LHCGR: variants seen among roughly 807,000 people sequenced by gnomAD.
LHCGR encodes luteinizing hormone/choriogonadotropin receptor.
Under a neutral mutation model 60.7 loss-of-function variants are expected in LHCGR, and 55 were observed. That is an observed-to-expected ratio of 0.91 (90% CI 0.73 to 1.13). LHCGR has a LOEUF of 1.13. Among genes scored for constraint, LHCGR ranks in the 50% most tolerant of loss-of-function variants. LHCGR has a pLI of 0.00. For missense variants in LHCGR, 862 were observed against 836.0 expected (o/e 1.03, Z -0.38); for synonymous variants, 337 against 316.5 (o/e 1.06, Z -0.69).
chr2:48,725,876 A>C, intron 3 of LHCGR, 126 bp from the exon 4 acceptor site: 1 of 719,720 alleles, frequency 1.4e-6, no homozygotes, highest in Non-Finnish European at 2.5e-6. Flanking sequence ...CGACCTTCAT[A>C]TGCTTGGGAG....
intron 1 of LHCGR, among the ~76,000 whole-genome samples, chr2:48,741,093 G>A (rs1368349734): frequency 5.9e-5 from 9 of 152,280 alleles, no homozygotes; most frequent in East Asian, 1.9e-4. Flanking sequence ...GGGTATCAGC[G>A]ATGGAAGATG....
intron 6 of LHCGR, among the ~76,000 whole-genome samples, chr2:48,722,998 G>A (rs958676464): frequency 1.3e-5 from 2 of 152,208 alleles, no homozygotes; most frequent in Admixed American, 6.5e-5. Context: ...AAAGTGAGAG[G>A]GACCCAAGAG....
intron 2 of LHCGR, among the ~76,000 whole-genome samples, chr2:48,730,641 C>T (rs936866071): frequency 1.3e-5 from 2 of 152,168 alleles, no homozygotes; most frequent in African/African-American, 4.8e-5. Flanking sequence ...CCCTTGAGAA[C>T]ATTCTCTCTC....
intron 1 of LHCGR, among the ~76,000 whole-genome samples, chr2:48,732,385 A>G (rs1669033450): frequency 1.3e-5 from 2 of 152,210 alleles, no homozygotes; most frequent in Non-Finnish European, 2.9e-5. Flanking sequence ...GCTTCTAGGA[A>G]AGAACACCTC....
Position 48,698,707 on chromosome 2 carries a change from T to TC in LHCGR, c.773_774insG (p.Leu259IlefsTer25), listed in dbSNP as rs2104392038. 1 of 1,613,750 alleles carries TC rather than the reference T, an allele frequency of 6.2e-7. No individual in the cohort carries two copies. Among genetic ancestry groups the TC allele is most frequent in the East Asian group, 2.2e-5 (1 of 44,882 alleles). ...TGACAAATGTTTCTCTTGATGGCAA[T>TC]TTTTTTAGAGAATAGGATGACGTGG... On this transcript the variant is annotated frameshift_variant, in exon 9 of 11. Transcript: ENST00000294954. LOFTEE classifies it high-confidence loss of function.
chr2:48,748,727 T>C (rs970939143), intron 1 of LHCGR, among the ~76,000 whole-genome samples: 1 of 152,256 alleles, frequency 6.6e-6, no homozygotes, highest in Non-Finnish European at 1.5e-5. Flanking sequence ...GAAAACTTTA[T>C]TTCCATACTT....
intron 6 of LHCGR, among the ~76,000 whole-genome samples, chr2:48,715,065 C>A (rs560811463): frequency 6.6e-6 from 1 of 152,100 alleles, no homozygotes; most frequent in East Asian, 1.9e-4. Context: ...GATTGTATTT[C>A]GTGTCGTGTT....
intron 4 of LHCGR, among the ~76,000 whole-genome samples, chr2:48,724,225 C>G (rs983105926): frequency 1.3e-5 from 2 of 152,248 alleles, no homozygotes; most frequent in Admixed American, 1.3e-4. Context: ...ATTGAAATCA[C>G]TAAACATTGT....
intron 6 of LHCGR, chr2:48,721,508 A>G (rs1434038833): frequency 2.6e-5 from 8 of 313,062 alleles, no homozygotes; most frequent in Non-Finnish European, 5.1e-5. Flanking sequence ...TTTTGATTGC[A>G]TTAATCTGAG....
At chr2:48,701,435 A>G (rs1667402646) in intron 8 of LHCGR, among the ~76,000 whole-genome samples, 1 of 152,078 alleles carries the variant, frequency 6.6e-6, no homozygotes. Flanking sequence ...TCAAATACAC[A>G]AGGCAAGATT....
At chr2:48,696,404 G>A (rs369310572) in intron 9 of LHCGR, among the ~76,000 whole-genome samples, 5 of 152,176 alleles carry the variant, frequency 3.3e-5, no homozygotes, top group South Asian at 2.1e-4. Flanking sequence ...GTGCAAGGCC[G>A]CAACCAGAAA....
chr2:48,736,805 C>A (rs925762257), intron 1 of LHCGR, among the ~76,000 whole-genome samples: 1 of 152,162 alleles, frequency 6.6e-6, no homozygotes, highest in Non-Finnish European at 1.5e-5. Context: ...TATGCACTAT[C>A]AAATATTTCT....
intron 6 of LHCGR, chr2:48,720,122 C>G (rs1238334254): frequency 6.6e-6 from 1 of 152,172 alleles, no homozygotes; most frequent in Non-Finnish European, 1.5e-5. Context: ...GGCATGCACT[C>G]TTTTTCTTAA....
At position 48,708,937 on chromosome 2, in the gene LHCGR, A is replaced by T; in HGVS notation, c.680+11T>A. 6.2e-7 allele frequency: 1 copy of T among 1,611,580 alleles called. No homozygotes were observed. Among genetic ancestry groups the T allele is most frequent in the Non-Finnish European group, 8.5e-7 (1 of 1,177,828 alleles). Reference sequence around the variant, plus strand: ...CTGGGCAGGGAGGGGAGGCAGCACCATTCTACTCACAAGGTTTTCGGCCCT... The same window carrying T: ...CTGGGCAGGGAGGGGAGGCAGCACCTTTCTACTCACAAGGTTTTCGGCCCT... On this transcript the variant is annotated intron_variant, in intron 8 of 10. Coordinates refer to ENST00000294954, the MANE Select transcript of LHCGR (RefSeq NM_000233.4).
intron 8 of LHCGR, among the ~76,000 whole-genome samples, chr2:48,704,785 T>C (rs1667580765): frequency 6.6e-6 from 1 of 152,212 alleles, no homozygotes; most frequent in South Asian, 2.1e-4. Context: ...TCTCTTTTCT[T>C]CTTTATTAGT....
At chr2:48,701,729 A>C (rs1408899505) in intron 8 of LHCGR, among the ~76,000 whole-genome samples, 1 of 152,318 alleles carries the variant, frequency 6.6e-6, no homozygotes, top group East Asian at 1.9e-4. Flanking sequence ...TGAAGGCAGA[A>C]GTGTTTGTCT....
At chr2:48,720,789 A>G (rs1235332380) in intron 6 of LHCGR, 1 of 152,234 alleles carries the variant, frequency 6.6e-6, no homozygotes, top group Non-Finnish European at 1.5e-5. Flanking sequence ...GACCTGAGAT[A>G]GAGATACTTA....
intron 9 of LHCGR, 40 bp downstream of exon 9, chr2:48,698,575 C>T: frequency 6.5e-7 from 1 of 1,549,368 alleles, no homozygotes; most frequent in Non-Finnish European, 8.9e-7. Flanking sequence ...TGAATTTCTG[C>T]CACAGCTTGG....
In LHCGR at chr2:48,688,089, T is replaced by G; in HGVS notation, c.1708A>C (p.Lys570Gln). The G allele has an allele frequency of 6.2e-7, 1 of 1,614,192 alleles. No homozygotes were observed. The highest frequency in any genetic ancestry group is 1.3e-5 in the African/African-American group (1 of 75,048). Residue 570 changes from lysine to glutamine, a missense_variant, in exon 11 of 11, where the codon AAA (lysine) becomes CAA (glutamine). Lys to Gln is a moderately conservative substitution (Grantham distance 53, BLOSUM62 1). Transcript: ENST00000294954. This position sits in a 1 kb window ranked among gnomAD's most constrained non-coding sequence, Gnocchi z 5.2. ...ATNKDTKIAK[K>Q]MAILIFTDFT... ...TCGGTGAAGATGAGGATTGCCATTTTCTTAGCAATCTTTGTATCTTTATTG... is the reference window on the plus strand; with the variant it reads ...TCGGTGAAGATGAGGATTGCCATTTGCTTAGCAATCTTTGTATCTTTATTG...
Sources: gnomAD v4.1 joint callset for allele counts (sites outside exome capture counted in the v4.1 genomes callset) on GRCh38, gnomAD v4.1.1 for gene constraint, Gnocchi (gnomAD v3.1) non-coding constraint, MANE v1.5 for transcripts, NCBI Gene and HGNC (gene_info 2026-07-23, HGNC 2026-07-21) for gene names.